INF2: variants seen among roughly 807,000 people sequenced by gnomAD.
INF2 encodes inverted formin-2.
In INF2, 43 loss-of-function variants were observed where a neutral mutation model predicts 123.5. The observed-to-expected ratio is 0.35, with a 90% confidence interval of 0.27 to 0.45. The LOEUF (loss-of-function observed/expected upper bound fraction) is 0.45, where lower values mean the gene tolerates loss of function less well. Among genes scored for constraint, INF2 ranks in the 20% least tolerant of loss-of-function variants. The pLI, the probability that INF2 is intolerant of heterozygous loss-of-function variation, is 1.00. For missense variants in INF2, 1,453 were observed against 1,682.7 expected (o/e 0.86, Z 2.39); for synonymous variants, 851 against 745.0 (o/e 1.14, Z -2.32).
At chr14:104,705,628 G>A (rs1566780019) in intron 5 of INF2, among the ~76,000 whole-genome samples, 1 of 152,176 alleles carries the variant, frequency 6.6e-6, no homozygotes, top group African/African-American at 2.4e-5. Flanking sequence ...CAGCCCTGTG[G>A]ACCCACCTCA....
chr14:104,717,867 C>G (rs60103444), intron 22 of INF2, among the ~76,000 whole-genome samples: 4 of 151,834 alleles, frequency 2.6e-5, no homozygotes, highest in East Asian at 1.9e-4. Flanking sequence ...GCCCCTCGTC[C>G]GAGCGTTCCC....
chr14:104,713,982 C>T (rs1194394727), intron 20 of INF2, among the ~76,000 whole-genome samples: 2 of 152,238 alleles, frequency 1.3e-5, no homozygotes, highest in African/African-American at 4.8e-5. Flanking sequence ...GGGTGGCTGC[C>T]TCAGGGTGCT....
intron 16 of INF2, among the ~76,000 whole-genome samples, chr14:104,712,015 C>T (rs1890073175): frequency 6.6e-6 from 1 of 152,194 alleles, no homozygotes; most frequent in African/African-American, 2.4e-5. Flanking sequence ...AGGCTCGGGC[C>T]TCCCTCATTG....
rs768397915 is a variant in INF2 at position 104,707,614 on chromosome 14, G to A, written c.1347G>A (p.Val449=). Residue 449 remains valine (V), a synonymous_variant, in exon 8 of 23, where the codon GTG becomes GTA. Coordinates refer to ENST00000392634, the MANE Select transcript of INF2 (RefSeq NM_022489.4). Reference sequence around the variant, plus strand: ...CCCCACCACCCCCCCTGCCCAGTGTGGGGGCTAAGGCCCTCCCAACAGCAC... The same window carrying A: ...CCCCACCACCCCCCCTGCCCAGTGTAGGGGCTAAGGCCCTCCCAACAGCAC... ...PPPPPPPLPS[V]GAKALPTAPP... 5.5e-5 allele frequency: 60 copies of A among 1,095,806 alleles called. 1 individual carries two copies. The East Asian group carries it at 6.6e-4, about 12-fold the overall frequency. 67.9% of individuals were successfully genotyped at this position (1,095,806 alleles called of 1,614,324 possible). A position where few individuals can be genotyped will look rare whatever the true frequency, so the allele number is the denominator to read the frequency against.
chr14:104,711,281 T>G (rs1459909396), intron 15 of INF2, 95 bp downstream of exon 15: 4 of 1,083,254 alleles, frequency 3.7e-6, no homozygotes, highest in Non-Finnish European at 5.4e-6. Context: ...TGCCCACCAC[T>G]CAGGCCGCCG....
At chr14:104,685,641 T>G (rs1272179989), upstream of INF2, among the ~76,000 whole-genome samples, 12 of 113,802 alleles carry the variant, frequency 1.1e-4, no homozygotes, top group Admixed American at 2.9e-4. Context: ...GGTGGGGGGA[T>G]GGGTGGATGA....
Position 104,713,474 on chromosome 14 carries a change from G to A in INF2, c.2908G>A (p.Val970Met), listed in dbSNP as rs977752085. 5.0e-6 allele frequency: 8 copies of A among 1,611,424 alleles called. No individual in the cohort carries two copies. Among genetic ancestry groups the A allele is most frequent in the Middle Eastern group, 1.6e-4 (1 of 6,072 alleles). The change falls in exon 20 of 23, where the codon GTG (valine) becomes ATG (methionine). Residue 970 changes from valine to methionine, a missense_variant. By Grantham distance (21) the Val-to-Met change is conservative. Coordinates refer to ENST00000392634, the MANE Select transcript of INF2 (RefSeq NM_022489.4). ...VRKGPGKQEE[V>M]CVIDALLADI... ...GAAGGGGCCCGGGAAGCAGGAGGAG[G>A]TGTGTGTCATCGATGCCCTGCTGGC...
chr14:104,687,651 G>A (rs570428779), upstream of INF2, among the ~76,000 whole-genome samples: 8 of 152,280 alleles, frequency 5.3e-5, no homozygotes, highest in East Asian at 5.8e-4. The surrounding 1 kb of genome is among the most constrained non-coding windows in gnomAD (Gnocchi z 5.6). Flanking sequence ...TGTGCAGCTC[G>A]GAAGCACGAC....
chr14:104,700,924 T>G, intron 1 of INF2: 1 of 941,960 alleles, frequency 1.1e-6, no homozygotes. Flanking sequence ...TGGGGTGAGA[T>G]AAGGCAGCCT....
chr14:104,699,468 T>G lies in INF2; in HGVS notation c.-9-1889T>G. The G allele has an allele frequency of 2.0e-6, 2 of 985,168 alleles. No homozygotes were observed. Among genetic ancestry groups the G allele is most frequent in the Non-Finnish European group, 2.4e-6 (2 of 829,854 alleles). The allele number at this position is 985,168 out of a possible 1,614,324, so 61.0% of individuals were successfully genotyped here. A position where few individuals can be genotyped will look rare whatever the true frequency, so the allele number is the denominator to read the frequency against. On this transcript the variant is annotated intron_variant, in intron 1 of 22. Coordinates refer to ENST00000392634, the MANE Select transcript of INF2 (RefSeq NM_022489.4). The surrounding 1 kb of genome is among the most constrained non-coding windows in gnomAD (Gnocchi z 4.7). ...GGGGCGTTGGGGACCTGAGGCTGCCTGGGAGGGACCCGGCTGTCTCTGGCA... is the reference window on the plus strand; with the variant it reads ...GGGGCGTTGGGGACCTGAGGCTGCCGGGGAGGGACCCGGCTGTCTCTGGCA...
chr14:104,710,238 C>A, intron 13 of INF2, 50 bp downstream of exon 13: 3 of 1,398,878 alleles, frequency 2.1e-6, no homozygotes, highest in Non-Finnish European at 2.9e-6. Flanking sequence ...GGCCTCCGAA[C>A]CGGGGCGGGA....
chr14:104,688,017 C>T (rs188363791), upstream of INF2, among the ~76,000 whole-genome samples: 1 of 152,350 alleles, frequency 6.6e-6, no homozygotes, highest in African/African-American at 2.4e-5. Flanking sequence ...TCCAGGAGTG[C>T]ACCAGGAGAC....
rs752009268 is a variant in INF2, at chr14:104,684,057, C to T, written c.-104+2475C>T. On this transcript the variant is annotated intron_variant, in intron 1 of 2. Transcript: ENST00000674723. The surrounding 1 kb of genome is among the most constrained non-coding windows in gnomAD (Gnocchi z 5.0). ...TGCAAGGCCCAGTGTCTTCTCACCT[C>T]GTTAGGTGGAGAACCCCTTCTTTAA... 27 of 455,934 alleles carry T rather than the reference C, an allele frequency of 5.9e-5. No homozygotes were observed. Among genetic ancestry groups the T allele is most frequent in the South Asian group, 3.1e-4 (20 of 64,564 alleles). The allele number at this position is 455,934 out of a possible 1,614,324, so 28.2% of individuals were successfully genotyped here. A position where few individuals can be genotyped will look rare whatever the true frequency, so the allele number is the denominator to read the frequency against.
upstream of INF2, among the ~76,000 whole-genome samples, chr14:104,686,359 GGTGTATGGATAA>G (rs1271017727): frequency 1.3e-5 from 2 of 150,650 alleles, no homozygotes; most frequent in Non-Finnish European, 3.0e-5. Flanking sequence ...TGGATGGGTA[GGTGTATGGATAA>G]GTGGATGGAC....
intron 1 of INF2, among the ~76,000 whole-genome samples, chr14:104,697,553 G>C (rs1347988504): frequency 6.6e-6 from 1 of 152,270 alleles, no homozygotes; most frequent in Non-Finnish European, 1.5e-5. Flanking sequence ...CACTCAGCTT[G>C]ACTGTTGACT....
Position 104,714,793 on chromosome 14 carries a change from CGGGGCCGGGCCTCAAAG to C in INF2, c.3635_3651del (p.Gly1212AspfsTer19). On this transcript the variant is annotated frameshift_variant, in exon 21 of 23. Coordinates refer to ENST00000392634, the MANE Select transcript of INF2 (RefSeq NM_022489.4). LOFTEE classifies it high-confidence loss of function. ...GGGGTCGGGCACACTCCCCAGGGCC[CGGGGCCGGGCCTCAAAG>C]GGGACCGGGAAGCGAAGGAAGAAGC... 6.3e-7 allele frequency: 1 copy of C among 1,596,392 alleles called. No homozygotes were observed.
At chr14:104,686,085 G>A, upstream of INF2, among the ~76,000 whole-genome samples, 1 of 148,074 alleles carries the variant, frequency 6.8e-6, no homozygotes, top group Admixed American at 6.7e-5. Context: ...GGGTGGATCA[G>A]TCGGTGGGTA....
intron 4 of INF2, 112 bp downstream of exon 4, chr14:104,703,566 A>G (rs1595166581): frequency 7.1e-7 from 1 of 1,405,756 alleles, no homozygotes; most frequent in South Asian, 1.2e-5. Context: ...CCCCCGACCC[A>G]GGGCCCCAGA....
intron 15 of INF2, 30 bp from the exon 16 acceptor site, chr14:104,711,599 G>A (rs1481542046): frequency 5.0e-6 from 8 of 1,603,864 alleles, no homozygotes; most frequent in Non-Finnish European, 6.8e-6. Context: ...TATGACCACA[G>A]TGGATCTCAC....
Sources: gnomAD v4.1 joint callset for allele counts (sites outside exome capture counted in the v4.1 genomes callset) on GRCh38, gnomAD v4.1.1 for gene constraint, Gnocchi (gnomAD v3.1) non-coding constraint, MANE v1.5 for transcripts, NCBI Gene and HGNC (gene_info 2026-07-23, HGNC 2026-07-21) for gene names.